Variants in COL21A1 observed in about 807,000 individuals in gnomAD.
COL21A1 encodes collagen type XXI alpha 1 chain, also known as collagen alpha-1(XXI) chain.
A neutral mutation model predicts 137.9 loss-of-function variants in COL21A1; 149 were observed. The ratio of observed to expected loss-of-function variants is 1.08; its 90% confidence interval spans 0.95 to 1.24. COL21A1 has a LOEUF of 1.24. COL21A1 is among the 50% of genes most tolerant of loss of function. The probability of loss-of-function intolerance (pLI) is 0.00; values close to 1 mark genes in which losing one functional copy is unlikely to be tolerated. For synonymous variants in COL21A1, 456 were observed against 391.5 expected (o/e 1.16, Z -1.95); for missense variants, 1,167 against 1,158.4 (o/e 1.01, Z -0.11).
chr6:56,162,423 G>A (rs777216837), intron 9 of COL21A1, among the ~76,000 whole-genome samples: 2 of 152,130 alleles, frequency 1.3e-5, no homozygotes, highest in Non-Finnish European at 2.9e-5. Flanking sequence ...ATGAAACTTG[G>A]AAATATTAAA....
intron 1 of COL21A1, among the ~76,000 whole-genome samples, chr6:56,366,177 C>A (rs1046376280): frequency 1.3e-5 from 2 of 152,096 alleles, no homozygotes; most frequent in East Asian, 3.9e-4. Context: ...GACACTGAAG[C>A]CACAGCAGGA....
rs148840635 is a variant in COL21A1, at chr6:56,320,852, C to T, written c.-39+73119G>A. Among the ~76,000 whole-genome samples, 13 of 152,236 alleles carry T rather than the reference C, an allele frequency of 8.5e-5. No individual in the cohort carries two copies. In the East Asian group the frequency reaches 2.5e-3, roughly 29 times the overall value. On this transcript the variant is annotated intron_variant, in intron 1 of 28. Transcript: ENST00000370819. ...TTCCAAAGCAATTACATCTTCATCTCACTATATACTTTTGATTTTTTTTAT... is the reference window on the plus strand; with the variant it reads ...TTCCAAAGCAATTACATCTTCATCTTACTATATACTTTTGATTTTTTTTAT...
At chr6:56,305,911 C>A (rs1205218261) in intron 1 of COL21A1, among the ~76,000 whole-genome samples, 1 of 151,674 alleles carries the variant, frequency 6.6e-6, no homozygotes, top group Admixed American at 6.6e-5. Context: ...CCTTCAGGAG[C>A]TCTTTTAGTG....
intron 1 of COL21A1, 30 bp from the exon 2 acceptor site, chr6:56,182,686 T>C (rs551347610): frequency 1.1e-4 from 109 of 984,986 alleles, no homozygotes; most frequent in Non-Finnish European, 1.6e-4. Context: ...AAGTTAAATA[T>C]ATTAATTAAA....
chr6:56,360,971 C>T (rs1363149687), intron 1 of COL21A1, among the ~76,000 whole-genome samples: 1 of 152,022 alleles, frequency 6.6e-6, no homozygotes, highest in Non-Finnish European at 1.5e-5. Flanking sequence ...TGTGGTGACG[C>T]GTGCCTGTAA....
intron 17 of COL21A1, among the ~76,000 whole-genome samples, chr6:56,094,581 A>T (rs1769154470): frequency 1.3e-5 from 2 of 152,150 alleles, no homozygotes; most frequent in Non-Finnish European, 2.9e-5. Flanking sequence ...GCCACTCTAC[A>T]TTTTAGGTAC....
At chr6:56,193,082 C>T (rs1018294385) in intron 1 of COL21A1, among the ~76,000 whole-genome samples, 3 of 152,158 alleles carry the variant, frequency 2.0e-5, no homozygotes, top group East Asian at 1.9e-4. Flanking sequence ...AATCAAACAC[C>T]GCATGTTCTC....
chr6:56,060,879 C>T lies in COL21A1; in HGVS notation c.2352+12G>A. On this transcript the variant is annotated intron_variant, in intron 26 of 29. Coordinates refer to ENST00000244728, the MANE Select transcript of COL21A1 (RefSeq NM_030820.4). ...GAAAATGTAATAACTGTGAAAGAAG[C>T]AGAATACATACGGGCTTCCCATCCA... The T allele has an allele frequency of 6.3e-7, 1 of 1,582,776 alleles. No homozygotes were observed. Among genetic ancestry groups the T allele is most frequent in the East Asian group, 2.3e-5 (1 of 43,880 alleles).
At chr6:56,339,400 C>T (rs891650505) in intron 1 of COL21A1, among the ~76,000 whole-genome samples, 1 of 152,142 alleles carries the variant, frequency 6.6e-6, no homozygotes, top group Non-Finnish European at 1.5e-5. Context: ...TATTATTTTG[C>T]TAGTGGTCTT....
chr6:56,094,304 T>C (rs1232106763), intron 17 of COL21A1, among the ~76,000 whole-genome samples: 1 of 152,170 alleles, frequency 6.6e-6, no homozygotes, highest in East Asian at 1.9e-4. Flanking sequence ...TCACTATTCT[T>C]CCAGTTTCCT....
chr6:56,153,867 C>T (rs775873711), intron 10 of COL21A1, among the ~76,000 whole-genome samples: 4 of 152,142 alleles, frequency 2.6e-5, no homozygotes, highest in Non-Finnish European at 4.4e-5. Context: ...CAGTCCCCTG[C>T]CACCTTCTCT....
intron 1 of COL21A1, among the ~76,000 whole-genome samples, chr6:56,368,796 G>A (rs533792145): frequency 6.6e-6 from 1 of 152,094 alleles, no homozygotes; most frequent in Non-Finnish European, 1.5e-5. Flanking sequence ...GTGGTGCTGA[G>A]GAAGAGAAAT....
At chr6:56,392,557 C>T (rs1164120174) in intron 1 of COL21A1, among the ~76,000 whole-genome samples, 1 of 152,016 alleles carries the variant, frequency 6.6e-6, no homozygotes, top group Non-Finnish European at 1.5e-5. Flanking sequence ...TCAACCTATC[C>T]GTATTTGCAG....
At position 56,124,131 on chromosome 6, in the gene COL21A1, A is replaced by G; in HGVS notation, c.1705-16T>C. The G allele has an allele frequency of 2.0e-6, 3 of 1,537,570 alleles. No individual in the cohort carries two copies. Among genetic ancestry groups the G allele is most frequent in the Non-Finnish European group, 2.6e-6 (3 of 1,138,122 alleles). ...CTGGTTCTCCCTAAAAAATAAATAC[A>G]TATGCTTTAATATATTTTTGCACTA... On this transcript the variant is annotated splice_polypyrimidine_tract_variant and intron_variant, in intron 15 of 29. Coordinates refer to ENST00000244728, the MANE Select transcript of COL21A1 (RefSeq NM_030820.4).
At chr6:56,255,001 C>G (rs1391865194) in intron 1 of COL21A1, among the ~76,000 whole-genome samples, 1 of 152,142 alleles carries the variant, frequency 6.6e-6, no homozygotes, top group Non-Finnish European at 1.5e-5. Flanking sequence ...TGACTCAGCA[C>G]TCATTCCCTT....
chr6:56,067,467 T>C (rs1766367793), intron 22 of COL21A1, 137 bp from the exon 23 acceptor site: 1 of 593,652 alleles, frequency 1.7e-6, no homozygotes, highest in African/African-American at 1.9e-5. Flanking sequence ...AGAAGTTGAC[T>C]CCTAACACAA....
intron 10 of COL21A1, among the ~76,000 whole-genome samples, chr6:56,150,831 T>C (rs1235212643): frequency 6.6e-6 from 1 of 152,156 alleles, no homozygotes; most frequent in Non-Finnish European, 1.5e-5. Context: ...CTGAGGCCCA[T>C]AAAAGCAAAG....
Position 56,164,429 on chromosome 6 carries a change from G to T in COL21A1, c.1365C>A (p.Gly455=). 2 of 1,579,346 alleles carry T rather than the reference G, an allele frequency of 1.3e-6. No individual in the cohort carries two copies. Among genetic ancestry groups the T allele is most frequent in the South Asian group, 1.2e-5 (1 of 86,056 alleles). ...CAAGTTAGGTGTTACCCACTTTGGGGCCTTGAAGTCCTGGTTTTCCCGGAG... is the reference window on the plus strand; with the variant it reads ...CAAGTTAGGTGTTACCCACTTTGGGTCCTTGAAGTCCTGGTTTTCCCGGAG... ...ICPPGKPGLQ[G]PKGDPGLPGN... The change falls in exon 9 of 30, where the codon GGC becomes GGA. Residue 455 remains glycine, a synonymous_variant. Coordinates refer to ENST00000244728, the MANE Select transcript of COL21A1 (RefSeq NM_030820.4).
At chr6:56,082,886 T>G (rs756419366) in intron 17 of COL21A1, among the ~76,000 whole-genome samples, 8 of 151,922 alleles carry the variant, frequency 5.3e-5, no homozygotes, top group Non-Finnish European at 1.2e-4. Flanking sequence ...GAAATGTGTA[T>G]GCTATTCCAT....
Sources: gnomAD v4.1 joint callset for allele counts (sites outside exome capture counted in the v4.1 genomes callset) on GRCh38, gnomAD v4.1.1 for gene constraint, MANE v1.5 for transcripts, NCBI Gene and HGNC (gene_info 2026-07-23, HGNC 2026-07-21) for gene names.